Variants in FMNL2 observed in about 807,000 individuals in gnomAD.
FMNL2 encodes formin like 2.
Under a neutral mutation model 130.2 loss-of-function variants are expected in FMNL2, and 51 were observed. The observed-to-expected ratio is 0.39, with a 90% CI of 0.31 to 0.49. FMNL2 has a LOEUF of 0.49. Among genes scored for constraint, FMNL2 ranks in the 20% least tolerant of loss-of-function variants. The pLI is 0.85. For synonymous variants in FMNL2, 465 were observed against 467.1 expected (o/e 1.00, Z 0.06); for missense variants, 977 against 1,316.2 (o/e 0.74, Z 3.99).
intron 9 of FMNL2, among the ~76,000 whole-genome samples, chr2:152,599,936 T>A (rs190177840): frequency 6.6e-6 from 1 of 152,258 alleles, no homozygotes; most frequent in East Asian, 1.9e-4. Flanking sequence ...TGCTGCATGG[T>A]GTATGTGTAT....
chr2:152,595,056 A>G (rs1697685915), intron 9 of FMNL2, among the ~76,000 whole-genome samples: 2 of 152,128 alleles, frequency 1.3e-5, no homozygotes, highest in Non-Finnish European at 2.9e-5. Flanking sequence ...TTGTTTTGGC[A>G]GTTTGGTTTT....
At chr2:152,537,457 C>CGGCTTTA (rs1222421934) in intron 2 of FMNL2, among the ~76,000 whole-genome samples, 2 of 152,144 alleles carry the variant, frequency 1.3e-5, no homozygotes, top group Non-Finnish European at 2.9e-5. Flanking sequence ...AGGCATTAGA[C>CGGCTTTA]GGCTTTAGAT....
chr2:152,636,675 T>C (rs1580152002), intron 22 of FMNL2, 85 bp downstream of exon 22: 1 of 1,435,924 alleles, frequency 7.0e-7, no homozygotes, highest in Non-Finnish European at 9.3e-7. Flanking sequence ...TGGGGAGAAA[T>C]GTTCCATTTC....
At chr2:152,429,890 G>A (rs1243371857) in intron 1 of FMNL2, among the ~76,000 whole-genome samples, 3 of 152,222 alleles carry the variant, frequency 2.0e-5, no homozygotes, top group South Asian at 2.1e-4. Context: ...TGCTTATTCA[G>A]CTCAACAATT....
chr2:152,614,967 G>A lies in FMNL2; in HGVS notation c.1179G>A (p.Glu393=). ...CTGAAACTAAGAATGCTGCCTTGGA[G>A]AGGGTGGAAGAACTGGAAGAAAACA... The part of the protein sequence containing the change: ...EDAETKNAAL[E]RVEELEENIS... Residue 393 remains glutamate, a synonymous_variant, in exon 12 of 26, where the codon GAG becomes GAA. Coordinates refer to ENST00000288670, the MANE Select transcript of FMNL2 (RefSeq NM_052905.4). 6.2e-7 allele frequency: 1 copy of A among 1,612,222 alleles called. No homozygotes were observed. Among genetic ancestry groups the A allele is most frequent in the Non-Finnish European group, 8.5e-7 (1 of 1,179,496 alleles).
intron 1 of FMNL2, among the ~76,000 whole-genome samples, chr2:152,511,853 A>G (rs538300600): frequency 2.0e-4 from 30 of 152,342 alleles, no homozygotes; most frequent in African/African-American, 2.6e-4. Flanking sequence ...CAGGTGATAC[A>G]GACTGCAGTC....
At chr2:152,382,642 C>A (rs1266922622) in intron 1 of FMNL2, among the ~76,000 whole-genome samples, 1 of 149,850 alleles carries the variant, frequency 6.7e-6, no homozygotes, top group East Asian at 2.0e-4. Context: ...AGTGGTCTCA[C>A]CATACACACC....
intron 1 of FMNL2, among the ~76,000 whole-genome samples, chr2:152,454,228 T>C (rs1193677243): frequency 1.3e-5 from 2 of 152,094 alleles, no homozygotes; most frequent in Non-Finnish European, 2.9e-5. Flanking sequence ...AGTGAGCCAA[T>C]AGCATACCAC....
chr2:152,337,570 A>G (rs1272068201), intron 1 of FMNL2, among the ~76,000 whole-genome samples: 2 of 152,072 alleles, frequency 1.3e-5, no homozygotes, highest in African/African-American at 4.8e-5. Flanking sequence ...TTAATAACAC[A>G]TGGTGTGAAT....
In FMNL2 at chr2:152,448,214, A is replaced by C. The variant is rs188899581; in HGVS notation, c.118-73729A>C. On this transcript the variant is annotated intron_variant, in intron 1 of 25. Transcript: ENST00000288670. ...CATTTGCTGATTTCTTAAAAAAAAA[A>C]AAACACATAATAACAGAAGGCTATT... 2.9e-3 allele frequency among the ~76,000 whole-genome samples: 435 copies of C among 152,236 alleles called. 1 individual carries two copies. Among genetic ancestry groups the C allele is most frequent in the South Asian group, 5.6e-3 (27 of 4,828 alleles).
intron 1 of FMNL2, among the ~76,000 whole-genome samples, chr2:152,380,107 A>G (rs1364223619): frequency 6.6e-6 from 1 of 152,200 alleles, no homozygotes; most frequent in South Asian, 2.1e-4. Context: ...TATAGCATTC[A>G]TCACATTTTA....
intron 1 of FMNL2, among the ~76,000 whole-genome samples, 188 bp downstream of exon 1, chr2:152,335,908 T>G (rs1367370715): frequency 6.6e-6 from 1 of 150,854 alleles, no homozygotes; most frequent in Non-Finnish European, 1.5e-5. Flanking sequence ...CCGCGCTCAG[T>G]CTCTCGGGGT....
chr2:152,508,228 AG>A (rs1692286233), intron 1 of FMNL2, among the ~76,000 whole-genome samples: 1 of 152,174 alleles, frequency 6.6e-6, no homozygotes. Context: ...CAGACCCCCG[AG>A]ATAGGATGGT....
intron 11 of FMNL2, 35 bp from the exon 12 acceptor site, chr2:152,614,816 G>C (rs536294790): frequency 6.4e-7 from 1 of 1,567,682 alleles, no homozygotes; most frequent in Non-Finnish European, 8.6e-7. Context: ...CCATAGATGA[G>C]CTAACACCAC....
intron 23 of FMNL2, 133 bp downstream of exon 23, chr2:152,637,807 C>G (rs2105956752): frequency 2.8e-6 from 2 of 719,106 alleles, no homozygotes. Flanking sequence ...CACGAGATAG[C>G]AGTCCCTAGC....
rs375946994 is a variant in FMNL2, at chr2:152,647,873, C to T, written c.3247C>T (p.Arg1083Cys). Residue 1083 changes from arginine to cysteine, a missense_variant, in exon 26 of 26, where the codon CGT (arginine) becomes TGT (cysteine). Coordinates refer to ENST00000288670, the MANE Select transcript of FMNL2 (RefSeq NM_052905.4). The stretch of plus-strand genomic sequence containing the variant: ...GCGGCGCTTTGATGATCAGAACTTG[C>T]GTTCTGTTAATGGTGCCGAAATAAC... Reference protein sequence around the residue: ...VRRRFDDQNLRSVNGAEITM With the variant: ...VRRRFDDQNLCSVNGAEITM 70 of 1,613,632 alleles carry T rather than the reference C, an allele frequency of 4.3e-5. No homozygotes were observed. Among genetic ancestry groups the T allele is most frequent in the Non-Finnish European group, 5.0e-5 (59 of 1,179,790 alleles).
chr2:152,496,353 G>A (rs982276280), intron 1 of FMNL2, among the ~76,000 whole-genome samples: 2 of 152,120 alleles, frequency 1.3e-5, no homozygotes, highest in Non-Finnish European at 2.9e-5. Flanking sequence ...AAGTGATCTT[G>A]TGTACATATT....
chr2:152,599,160 C>A (rs1446346417), intron 9 of FMNL2, among the ~76,000 whole-genome samples: 1 of 152,220 alleles, frequency 6.6e-6, no homozygotes, highest in Non-Finnish European at 1.5e-5. Context: ...CTCACTGTCA[C>A]AGACACACCC....
chr2:152,372,381 G>A (rs1197125057), intron 1 of FMNL2, among the ~76,000 whole-genome samples: 1 of 152,216 alleles, frequency 6.6e-6, no homozygotes, highest in East Asian at 1.9e-4. Flanking sequence ...CCTGCCTTCA[G>A]ATAGCTACAT....
Sources: gnomAD v4.1 joint callset for allele counts (sites outside exome capture counted in the v4.1 genomes callset) on GRCh38, gnomAD v4.1.1 for gene constraint, MANE v1.5 for transcripts, NCBI Gene and HGNC (gene_info 2026-07-23, HGNC 2026-07-21) for gene names.